MYT1L: variants seen among roughly 807,000 people sequenced by gnomAD.
MYT1L encodes the protein myelin transcription factor 1-like protein.
In MYT1L, 12 loss-of-function variants were observed where a neutral mutation model predicts 126.7. The ratio of observed to expected loss-of-function variants is 0.09; its 90% CI spans 0.06 to 0.15. MYT1L has a LOEUF of 0.15. Ranked by LOEUF, MYT1L falls within the 10% of genes least tolerant of loss-of-function variation. MYT1L has a pLI of 1.00. For missense variants in MYT1L, 979 were observed against 1,585.2 expected (o/e 0.62, Z 6.49); for synonymous variants, 541 against 604.2 (o/e 0.90, Z 1.53).
chr2:1,997,168 G>C (rs1382667884), intron 5 of MYT1L, 23 bp downstream of exon 5: 2 of 152,684 alleles, frequency 1.3e-5, no homozygotes, highest in African/African-American at 4.8e-5. Flanking sequence ...GCACAGAACC[G>C]AGTGTAGACG....
At chr2:2,001,532 T>G (rs1040639361) in intron 4 of MYT1L, among the ~76,000 whole-genome samples, 4 of 152,164 alleles carry the variant, frequency 2.6e-5, no homozygotes, top group African/African-American at 4.8e-5. Flanking sequence ...AAGAAAGAAG[T>G]GAGTGAGAGC....
Position 1,790,131 on chromosome 2 carries a change from C to T in MYT1L, c.*1736G>A, listed in dbSNP as rs566868737. 5.3e-5 allele frequency: 8 copies of T among 152,242 alleles called. No individual in the cohort carries two copies. In the South Asian group the frequency reaches 8.3e-4, roughly 16 times the overall value. 9.4% of individuals were successfully genotyped at this position (152,242 alleles called of 1,614,324 possible). A position where few individuals can be genotyped will look rare whatever the true frequency, so the allele number is the denominator to read the frequency against. On this transcript the variant is annotated 3_prime_UTR_variant, in exon 25 of 25. Coordinates refer to ENST00000647738, the MANE Select transcript of MYT1L (RefSeq NM_001303052.2). ...ACACGAGGAATTGCACACCTCCGTA[C>T]GGATATATAGGACAAGGTAAGTGCA...
intron 18 of MYT1L, among the ~76,000 whole-genome samples, chr2:1,856,895 G>A (rs914289772): frequency 3.9e-5 from 6 of 152,210 alleles, no homozygotes; most frequent in African/African-American, 1.4e-4. Context: ...CCAGGAAAGA[G>A]CCCACAGCAC....
chr2:2,151,459 G>T (rs774900225), intron 3 of MYT1L, among the ~76,000 whole-genome samples: 1 of 151,738 alleles, frequency 6.6e-6, no homozygotes, highest in Admixed American at 6.6e-5. Context: ...GTTCACAGAC[G>T]TTAGGGGCCA....
At chr2:1,930,579 C>T (rs974539801) in intron 9 of MYT1L, among the ~76,000 whole-genome samples, 27 of 152,196 alleles carry the variant, frequency 1.8e-4, no homozygotes, top group Non-Finnish European at 3.2e-4. Flanking sequence ...CGGGCAGAAG[C>T]GTCGGGGCTG....
chr2:1,942,307 C>T (rs2056745499), intron 9 of MYT1L, among the ~76,000 whole-genome samples: 1 of 152,180 alleles, frequency 6.6e-6, no homozygotes, highest in African/African-American at 2.4e-5. Flanking sequence ...AGCCATGTCA[C>T]CGTAAACGCA....
chr2:1,938,382 C>A (rs1425621717), intron 9 of MYT1L, among the ~76,000 whole-genome samples: 1 of 152,110 alleles, frequency 6.6e-6, no homozygotes, highest in African/African-American at 2.4e-5. Context: ...TGAACAATAA[C>A]TTTCTTAACT....
chr2:1,956,574 TTCTA>T (rs72311419), intron 8 of MYT1L, among the ~76,000 whole-genome samples: 17,687 of 101,164 alleles, frequency 0.17, 1,549 homozygotes, highest in Non-Finnish European at 0.19. Flanking sequence ...ATATTTCCTA[TTCTA>T]TCTATCTATC....
chr2:2,157,827 TG>T (rs773532424), intron 3 of MYT1L, among the ~76,000 whole-genome samples: 64 of 152,298 alleles, frequency 4.2e-4, no homozygotes, highest in Admixed American at 9.1e-4. Flanking sequence ...AGCAGGTCTT[TG>T]GGCTTTTTGG....
At chr2:1,913,589 C>T (rs951031997) in intron 11 of MYT1L, among the ~76,000 whole-genome samples, 3 of 152,188 alleles carry the variant, frequency 2.0e-5, no homozygotes, top group Non-Finnish European at 4.4e-5. Context: ...CATTTGTCCA[C>T]CACCGTGTGA....
intron 19 of MYT1L, chr2:1,841,534 C>A (rs13386410): frequency 0.02 from 2,993 of 152,270 alleles, 53 homozygotes; most frequent in South Asian, 0.032. Context: ...CTCTAGGCAC[C>A]GTCAGTCCCC....
intron 4 of MYT1L, among the ~76,000 whole-genome samples, chr2:2,006,482 T>G (rs1282840660): frequency 6.6e-6 from 1 of 152,220 alleles, no homozygotes; most frequent in Admixed American, 6.5e-5. Context: ...ATCCCACATA[T>G]CTGCTATTTT....
intron 3 of MYT1L, among the ~76,000 whole-genome samples, chr2:2,072,053 A>G (rs2150238858): frequency 6.6e-6 from 1 of 152,328 alleles, no homozygotes; most frequent in African/African-American, 2.4e-5. Context: ...ATGTCATGAC[A>G]TCATCCTCAA....
At chr2:2,225,489 G>A (rs961367109) in intron 2 of MYT1L, among the ~76,000 whole-genome samples, 2 of 152,190 alleles carry the variant, frequency 1.3e-5, no homozygotes, top group African/African-American at 4.8e-5. Flanking sequence ...CTGGGACATG[G>A]ACATTGCTGG....
At chr2:1,809,915 G>A (rs924365732) in intron 21 of MYT1L, 1 of 152,254 alleles carries the variant, frequency 6.6e-6, no homozygotes, top group Non-Finnish European at 1.5e-5. Context: ...GTCCTGTTGG[G>A]TGTTTGCTGA....
intron 2 of MYT1L, among the ~76,000 whole-genome samples, chr2:2,208,925 C>T (rs915494157): frequency 6.6e-6 from 1 of 151,318 alleles, no homozygotes; most frequent in Non-Finnish European, 1.5e-5. Flanking sequence ...AAATTTTTAT[C>T]AAAATTTAGC....
intron 1 of MYT1L, among the ~76,000 whole-genome samples, chr2:2,309,826 T>C (rs2095929009): frequency 6.6e-6 from 1 of 151,992 alleles, no homozygotes; most frequent in South Asian, 2.1e-4. Flanking sequence ...CGGCATACTC[T>C]ATATAGACTC....
intron 2 of MYT1L, among the ~76,000 whole-genome samples, chr2:2,183,242 A>G (rs1441724328): frequency 6.6e-6 from 1 of 152,112 alleles, no homozygotes; most frequent in African/African-American, 2.4e-5. Flanking sequence ...GCTGTTTTAG[A>G]ACAGAGAGGA....
At chr2:2,217,940 G>A (rs2093740506) in intron 2 of MYT1L, among the ~76,000 whole-genome samples, 1 of 152,134 alleles carries the variant, frequency 6.6e-6, no homozygotes, top group African/African-American at 2.4e-5. Flanking sequence ...TGAAGAAGAT[G>A]TATGGATAGG....
Sources: allele counts gnomAD v4.1 joint callset (sites outside exome capture counted in the v4.1 genomes callset), GRCh38; gene constraint gnomAD v4.1.1; transcripts MANE v1.5; gene names NCBI Gene and HGNC (gene_info 2026-07-23, HGNC 2026-07-21).